Variants in ADAMTSL3 observed in about 807,000 individuals in gnomAD.
ADAMTSL3 encodes ADAMTS-like protein 3.
ADAMTSL3 carries 128 observed loss-of-function variants against 201.7 expected under a neutral mutation model. That is an observed-to-expected ratio of 0.63 (90% CI 0.55 to 0.73). ADAMTSL3 has a LOEUF of 0.73. Ranked by LOEUF, ADAMTSL3 falls within the 30% of genes least tolerant of loss-of-function variation. ADAMTSL3 has a pLI of 0.00. For synonymous variants in ADAMTSL3, 738 were observed against 748.4 expected (o/e 0.99, Z 0.23); for missense variants, 1,990 against 2,119.6 (o/e 0.94, Z 1.20).
At chr15:83,803,046 G>A (rs2063548569) in intron 4 of ADAMTSL3, among the ~76,000 whole-genome samples, 1 of 152,092 alleles carries the variant, frequency 6.6e-6, no homozygotes, top group Admixed American at 6.5e-5. Context: ...GGACTATGAT[G>A]TAATCATTAA....
intron 2 of ADAMTSL3, among the ~76,000 whole-genome samples, chr15:83,696,680 G>C (rs1422427297): frequency 1.3e-5 from 2 of 152,102 alleles, no homozygotes; most frequent in Admixed American, 6.5e-5. Flanking sequence ...ACTATAATTG[G>C]GCAAATTTGC....
chr15:83,987,251 T>C (rs1031248836), intron 21 of ADAMTSL3, among the ~76,000 whole-genome samples: 1 of 152,248 alleles, frequency 6.6e-6, no homozygotes, highest in African/African-American at 2.4e-5. Context: ...TCTGAGACAC[T>C]TTCGCTGTTT....
chr15:83,882,326 C>G (rs2065289084), intron 9 of ADAMTSL3, among the ~76,000 whole-genome samples: 1 of 152,164 alleles, frequency 6.6e-6, no homozygotes, highest in Admixed American at 6.5e-5. Flanking sequence ...GTGCTGTCTC[C>G]ACTCCGTTAC....
At chr15:83,846,842 G>T (rs2064508634) in intron 7 of ADAMTSL3, among the ~76,000 whole-genome samples, 1 of 152,148 alleles carries the variant, frequency 6.6e-6, no homozygotes, top group Non-Finnish European at 1.5e-5. Context: ...ATTATAAAGG[G>T]CAGAAAATGA....
At chr15:83,856,184 C>G (rs1356745090) in intron 7 of ADAMTSL3, among the ~76,000 whole-genome samples, 1 of 143,276 alleles carries the variant, frequency 7.0e-6, no homozygotes, top group Non-Finnish European at 1.5e-5. Flanking sequence ...TTTTTTCCCC[C>G]TGAGACAAGC....
At chr15:83,722,064 A>G (rs1259272160) in intron 3 of ADAMTSL3, among the ~76,000 whole-genome samples, 1 of 152,156 alleles carries the variant, frequency 6.6e-6, no homozygotes, top group African/African-American at 2.4e-5. Context: ...CATTGCCTTT[A>G]TGAAACTGCC....
chr15:83,728,508 T>C (rs1328990865), intron 3 of ADAMTSL3, among the ~76,000 whole-genome samples: 2 of 151,946 alleles, frequency 1.3e-5, no homozygotes, highest in Non-Finnish European at 2.9e-5. Context: ...ATATATCTGT[T>C]GTATGCTTTT....
intron 22 of ADAMTSL3, among the ~76,000 whole-genome samples, chr15:83,990,423 C>G (rs749735552): frequency 6.6e-6 from 1 of 152,210 alleles, no homozygotes; most frequent in African/African-American, 2.4e-5. Flanking sequence ...ACACCTTGTG[C>G]TTATCGAAAG....
At chr15:83,910,477 T>A (rs978102049) in intron 15 of ADAMTSL3, among the ~76,000 whole-genome samples, 1 of 151,014 alleles carries the variant, frequency 6.6e-6, no homozygotes, top group Non-Finnish European at 1.5e-5. Flanking sequence ...TTTTTTTTTT[T>A]AACCTTTAAG....
At chr15:83,873,053 C>T (rs2065111683) in intron 9 of ADAMTSL3, among the ~76,000 whole-genome samples, 1 of 144,980 alleles carries the variant, frequency 6.9e-6, no homozygotes, top group South Asian at 2.1e-4. Flanking sequence ...GCCTGTAATC[C>T]CAGCACTTAG....
intron 4 of ADAMTSL3, among the ~76,000 whole-genome samples, chr15:83,793,584 C>G (rs1307892401): frequency 2.0e-5 from 3 of 152,076 alleles, no homozygotes; most frequent in Non-Finnish European, 4.4e-5. Context: ...TCAAGCGATT[C>G]TCCTTCCTCT....
rs765650321 is a variant in ADAMTSL3, at chr15:83,897,813, G to A, written c.1468-45G>A. 7.2e-6 allele frequency: 11 copies of A among 1,531,888 alleles called. No homozygotes were observed. The East Asian group carries it at 2.3e-4, about 32-fold the overall frequency. 94.9% of individuals were successfully genotyped at this position (1,531,888 alleles called of 1,614,324 possible). A position where few individuals can be genotyped will look rare whatever the true frequency, so the allele number is the denominator to read the frequency against. On this transcript the variant is annotated intron_variant, in intron 13 of 29. Coordinates refer to ENST00000286744, the MANE Select transcript of ADAMTSL3 (RefSeq NM_207517.3). ...CATTCGATAAAATAATGCCTTTGTGGTTCTCTTAAAAGAAATGCGTTGGCT... is the reference window on the plus strand; with the variant it reads ...CATTCGATAAAATAATGCCTTTGTGATTCTCTTAAAAGAAATGCGTTGGCT...
chr15:83,782,933 A>T (rs375518118), intron 4 of ADAMTSL3, among the ~76,000 whole-genome samples: 1 of 147,824 alleles, frequency 6.8e-6, no homozygotes, highest in Non-Finnish European at 1.5e-5. Context: ...TATATATTAT[A>T]TGTATATATA....
chr15:83,921,819 G>A (rs1433285528), intron 16 of ADAMTSL3, among the ~76,000 whole-genome samples: 2 of 151,194 alleles, frequency 1.3e-5, no homozygotes, highest in Admixed American at 6.6e-5. Flanking sequence ...CGAGTAGCTG[G>A]GACTATAGGC....
rs759090787 is a variant in ADAMTSL3, at chr15:83,823,893, C to CTCTTCTTCTTCT, written c.600+3916_600+3927dup. On this transcript the variant is annotated intron_variant, in intron 6 of 29. Coordinates refer to ENST00000286744, the MANE Select transcript of ADAMTSL3 (RefSeq NM_207517.3). ...AGACTCCATTTCCTTCTTCTTCTTCCTCTTCTTCTTCTTCTTCTTCTTCTT... is the reference window on the plus strand; with the variant it reads ...AGACTCCATTTCCTTCTTCTTCTTCCTCTTCTTCTTCTTCTTCTTCTTCTTCTTCTTCTTCTT... Among the ~76,000 whole-genome samples the CTCTTCTTCTTCT allele has an allele frequency of 9.8e-4, 91 of 93,104 alleles. 1 individual carries two copies. The highest frequency in any genetic ancestry group is 1.2e-3 in the Non-Finnish European group (61 of 49,346). The allele number at this position is 93,104 out of a possible 152,430, so 61.1% of individuals were successfully genotyped here. A position where few individuals can be genotyped will look rare whatever the true frequency, so the allele number is the denominator to read the frequency against.
chr15:83,988,766 T>C lies in ADAMTSL3; in HGVS notation c.3792T>C (p.Ser1264=), dbSNP rs369825404. 3.1e-6 allele frequency: 5 copies of C among 1,609,218 alleles called. No homozygotes were observed. Among genetic ancestry groups the C allele is most frequent in the Non-Finnish European group, 2.5e-6 (3 of 1,177,176 alleles). The part of the protein sequence containing the change: ...TRKEQGIYEC[S]VANHLGSDVE... ...AAGAACAAGGCATATATGAATGTTC[T>C]GTAGCTAATCATCTTGGTTCAGATG... Residue 1264 remains serine, a synonymous_variant, in exon 22 of 30, where the codon TCT becomes TCC. Coordinates refer to ENST00000286744, the MANE Select transcript of ADAMTSL3 (RefSeq NM_207517.3).
chr15:83,964,436 T>C (rs910447034), intron 19 of ADAMTSL3, among the ~76,000 whole-genome samples: 1 of 151,282 alleles, frequency 6.6e-6, no homozygotes, highest in African/African-American at 2.4e-5. Flanking sequence ...AGATTGAAGA[T>C]GAACTTAATG....
intron 2 of ADAMTSL3, among the ~76,000 whole-genome samples, chr15:83,699,490 C>G (rs1279733312): frequency 1.3e-5 from 2 of 152,230 alleles, no homozygotes; most frequent in African/African-American, 2.4e-5. Context: ...AAGGAACCAT[C>G]CCTTTTCACC....
intron 4 of ADAMTSL3, among the ~76,000 whole-genome samples, chr15:83,798,232 A>G (rs1041386214): frequency 4.6e-5 from 7 of 152,180 alleles, no homozygotes; most frequent in Non-Finnish European, 1.0e-4. Context: ...CTATTTCTAC[A>G]CAAACCTTAG....
Sources: gnomAD v4.1 joint callset for allele counts (sites outside exome capture counted in the v4.1 genomes callset) on GRCh38, gnomAD v4.1.1 for gene constraint, MANE v1.5 for transcripts, NCBI Gene and HGNC (gene_info 2026-07-23, HGNC 2026-07-21) for gene names.